The following PLD5 variants were observed in gnomAD, a reference collection of about 807,000 sequenced individuals.
The protein encoded by PLD5 is phospholipase D family member 5.
In PLD5, 36 loss-of-function variants were observed where a neutral mutation model predicts 61.1. The ratio of observed to expected loss-of-function variants is 0.59; its 90% confidence interval spans 0.45 to 0.78. PLD5 has a LOEUF of 0.78. Among genes scored for constraint, PLD5 ranks in the 30% least tolerant of loss-of-function variants. PLD5 has a pLI of 0.00. For synonymous variants in PLD5, 243 were observed against 242.8 expected (o/e 1.00, Z -0.01); for missense variants, 515 against 644.4 (o/e 0.80, Z 2.17).
At position 242,116,459 on chromosome 1, in the gene PLD5, G is replaced by A. The variant is rs1661954464; in HGVS notation, c.934-2433C>T. The stretch of plus-strand genomic sequence containing the variant: ...ACTCAGGGGGTACAGGTGCAGGTTT[G>A]TTACATGGATATATATTATGTGATG... On this transcript the variant is annotated intron_variant, in intron 6 of 9. Coordinates refer to ENST00000536534, the MANE Select transcript of PLD5 (RefSeq NM_001372062.1). 3.3e-5 allele frequency among the ~76,000 whole-genome samples: 5 copies of A among 152,256 alleles called. No individual in the cohort carries two copies. The South Asian group carries it at 1.0e-3, about 32-fold the overall frequency.
chr1:242,382,181 GAA>G (rs1219726834), intron 1 of PLD5, among the ~76,000 whole-genome samples: 2 of 150,406 alleles, frequency 1.3e-5, no homozygotes, highest in Admixed American at 1.3e-4. Flanking sequence ...GGAATGAGGT[GAA>G]AGTTATCGAG....
chr1:242,163,582 G>GAAAATAAATTCTTTCTAATA (rs1434819420), intron 5 of PLD5, among the ~76,000 whole-genome samples: 1 of 152,148 alleles, frequency 6.6e-6, no homozygotes, highest in Non-Finnish European at 1.5e-5. Context: ...CATCATGTCA[G>GAAAATAAATTCTTTCTAATA]AAAATAAATT....
At chr1:242,343,247 C>T (rs12082668) in intron 2 of PLD5, among the ~76,000 whole-genome samples, 1,525 of 151,738 alleles carry the variant, frequency 0.01, 16 homozygotes, top group African/African-American at 0.034. Context: ...GGGAGTTTAA[C>T]GATAAAGTAA....
intron 4 of PLD5, among the ~76,000 whole-genome samples, chr1:242,248,499 C>T (rs1672519750): frequency 1.3e-5 from 2 of 151,894 alleles, no homozygotes; most frequent in East Asian, 1.9e-4. Context: ...AAAAGAATAG[C>T]CAATCACTGA....
chr1:242,382,552 A>C (rs1423614473), intron 1 of PLD5, among the ~76,000 whole-genome samples: 1 of 152,182 alleles, frequency 6.6e-6, no homozygotes, highest in Non-Finnish European at 1.5e-5. Flanking sequence ...TAAGCTGTCA[A>C]ATCAAGAAAG....
intron 5 of PLD5, among the ~76,000 whole-genome samples, chr1:242,134,178 A>G (rs541860115): frequency 1.3e-5 from 2 of 152,346 alleles, no homozygotes; most frequent in East Asian, 1.9e-4. Context: ...GGCAGAGGAT[A>G]TTAACAGAAA....
intron 1 of PLD5, among the ~76,000 whole-genome samples, chr1:242,517,179 A>G (rs1669129823): frequency 6.7e-6 from 1 of 149,212 alleles, no homozygotes; most frequent in African/African-American, 2.6e-5. Flanking sequence ...CAATTCTTAT[A>G]TTTTCATTTC....
intron 1 of PLD5, among the ~76,000 whole-genome samples, chr1:242,349,159 G>A (rs1660330305): frequency 6.6e-6 from 1 of 151,280 alleles, no homozygotes; most frequent in Admixed American, 6.6e-5. Flanking sequence ...GGTCATAGGT[G>A]GAGTCAAAGA....
At position 242,509,221 on chromosome 1, in the gene PLD5, C is replaced by A. The variant is rs186411799; in HGVS notation, c.189+14867G>T. 5.0e-3 allele frequency among the ~76,000 whole-genome samples: 752 copies of A among 151,688 alleles called. 3 individuals are homozygous for A. Among genetic ancestry groups the A allele is most frequent in the Non-Finnish European group, 7.7e-3 (526 of 67,918 alleles). On this transcript the variant is annotated intron_variant, in intron 1 of 9. Coordinates refer to ENST00000536534, the MANE Select transcript of PLD5 (RefSeq NM_001372062.1). ...GTGAAACCCCATCTCTACTAAAATA[C>A]AAAAGAAATTAGCCGGGCGTGATGG...
intron 1 of PLD5, among the ~76,000 whole-genome samples, chr1:242,436,479 CT>C (rs769984336): frequency 4.0e-5 from 6 of 151,750 alleles, no homozygotes; most frequent in Non-Finnish European, 5.9e-5. Context: ...TAGAATTCAC[CT>C]TTTAAAAAAA....
intron 2 of PLD5, among the ~76,000 whole-genome samples, chr1:242,299,807 G>A (rs1056905770): frequency 3.4e-4 from 52 of 152,152 alleles, no homozygotes; most frequent in Admixed American, 3.3e-3. Context: ...GACATAATCT[G>A]TCTGATGATT....
At chr1:242,322,411 G>A (rs1358963245) in intron 2 of PLD5, among the ~76,000 whole-genome samples, 1 of 152,166 alleles carries the variant, frequency 6.6e-6, no homozygotes, top group Non-Finnish European at 1.5e-5. Context: ...CCGATTTAAA[G>A]ATGCCCACAG....
chr1:242,162,612 T>C (rs907517846), intron 5 of PLD5, among the ~76,000 whole-genome samples: 1 of 152,206 alleles, frequency 6.6e-6, no homozygotes, highest in South Asian at 2.1e-4. Context: ...ATCTTAGTGA[T>C]TGTCTACGCA....
At chr1:242,368,198 C>T (rs1157289550) in intron 1 of PLD5, among the ~76,000 whole-genome samples, 1 of 152,172 alleles carries the variant, frequency 6.6e-6, no homozygotes, top group Non-Finnish European at 1.5e-5. Flanking sequence ...CCTACTGCTC[C>T]ACTGTAAACA....
At chr1:242,195,457 T>C (rs1281439436) in intron 5 of PLD5, among the ~76,000 whole-genome samples, 1 of 152,260 alleles carries the variant, frequency 6.6e-6, no homozygotes, top group Non-Finnish European at 1.5e-5. Context: ...TTCTTCTCTT[T>C]AACAATCTCG....
At chr1:242,464,820 C>A (rs4658486) in intron 1 of PLD5, among the ~76,000 whole-genome samples, 104,801 of 152,086 alleles carry the variant, frequency 0.69, 36,850 homozygotes, top group African/African-American at 0.83. Context: ...GCACTCCACC[C>A]TAAAGAGGAG....
At chr1:242,237,781 G>C (rs1401513824) in intron 4 of PLD5, among the ~76,000 whole-genome samples, 1 of 152,182 alleles carries the variant, frequency 6.6e-6, no homozygotes, top group African/African-American at 2.4e-5. Flanking sequence ...TTGCATCCTA[G>C]AGGCAGGATT....
chr1:242,178,002 T>C (rs1450501107), intron 5 of PLD5: 2 of 152,210 alleles, frequency 1.3e-5, no homozygotes, highest in African/African-American at 4.8e-5. Flanking sequence ...CTTCTTGAAA[T>C]AGGTGAAATA....
intron 1 of PLD5, among the ~76,000 whole-genome samples, chr1:242,468,326 A>G (rs992381385): frequency 6.6e-6 from 1 of 152,208 alleles, no homozygotes; most frequent in Non-Finnish European, 1.5e-5. Flanking sequence ...ACTGTATGTA[A>G]TAGCCTCATA....
Sources: allele counts gnomAD v4.1 joint callset (sites outside exome capture counted in the v4.1 genomes callset), GRCh38; gene constraint gnomAD v4.1.1; transcripts MANE v1.5; gene names NCBI Gene and HGNC (gene_info 2026-07-23, HGNC 2026-07-21).